Variants in RPS6KC1 observed in about 807,000 individuals in gnomAD.
RPS6KC1 encodes inactive ribosomal protein S6 kinase delta-1.
In RPS6KC1, 54 loss-of-function variants were observed where a neutral mutation model predicts 103.8. That is an observed-to-expected ratio of 0.52 (90% confidence interval 0.42 to 0.65). The LOEUF (loss-of-function observed/expected upper bound fraction) is 0.65, where lower values mean the gene tolerates loss of function less well. Among genes scored for constraint, RPS6KC1 ranks in the 30% least tolerant of loss-of-function variants. RPS6KC1 has a pLI of 0.00. For missense variants in RPS6KC1, 1,151 were observed against 1,253.8 expected, an observed-to-expected ratio of 0.92 and a Z score of 1.24; for synonymous variants, 439 against 438.7, an observed-to-expected ratio of 1.00 and a Z score of -0.01.
chr1:213,815,831 G>C, the RPS6KC1 span, among the ~76,000 whole-genome samples: 1 of 151,562 alleles, frequency 6.6e-6, no homozygotes, highest in Non-Finnish European at 1.5e-5. Flanking sequence ...ACTGGTGCAA[G>C]AGGCCTAGCT....
chr1:213,602,466 G>T, the RPS6KC1 span, among the ~76,000 whole-genome samples: 30 of 151,620 alleles, frequency 2.0e-4, no homozygotes, highest in African/African-American at 5.8e-4. Context: ...CTTCTGAGCT[G>T]AGGCGTTCTG....
the RPS6KC1 span, among the ~76,000 whole-genome samples, chr1:213,348,526 A>T: frequency 6.6e-6 from 1 of 152,166 alleles, no homozygotes; most frequent in African/African-American, 2.4e-5. Context: ...TGACACCAAC[A>T]CCAAGGAGGG....
At chr1:213,751,082 G>A in the RPS6KC1 span, among the ~76,000 whole-genome samples, 1 of 152,084 alleles carries the variant, frequency 6.6e-6, no homozygotes, top group Non-Finnish European at 1.5e-5. Context: ...TGAAGGTCTT[G>A]GGCAAAGTCA....
At chr1:213,611,271 T>C in the RPS6KC1 span, among the ~76,000 whole-genome samples, 38 of 152,302 alleles carry the variant, frequency 2.5e-4, no homozygotes, top group African/African-American at 8.7e-4. Context: ...ATAACCCATC[T>C]GCTTGGAAAT....
intron 6 of RPS6KC1, among the ~76,000 whole-genome samples, chr1:213,151,180 C>A (rs2088778112): frequency 7.1e-6 from 1 of 140,802 alleles, no homozygotes; most frequent in Admixed American, 6.9e-5. Context: ...CTGACCCCCC[C>A]ACCTCCCTCC....
At chr1:213,750,249 A>G in the RPS6KC1 span, among the ~76,000 whole-genome samples, 1 of 152,220 alleles carries the variant, frequency 6.6e-6, no homozygotes, top group South Asian at 2.1e-4. Context: ...CCTGAAGGGC[A>G]ATGCTTTAAA....
chr1:213,282,140 T>C, the RPS6KC1 span, among the ~76,000 whole-genome samples: 16 of 152,350 alleles, frequency 1.1e-4, no homozygotes, highest in African/African-American at 3.8e-4. Context: ...CGGCCTGTCA[T>C]GTGGCTGAGC....
the RPS6KC1 span, among the ~76,000 whole-genome samples, chr1:213,546,722 T>G: frequency 1.3e-5 from 2 of 152,162 alleles, no homozygotes; most frequent in East Asian, 3.8e-4. Context: ...ATTGAACAGA[T>G]AGTATAGAGA....
the RPS6KC1 span, among the ~76,000 whole-genome samples, chr1:213,613,084 A>G: frequency 3.9e-5 from 6 of 152,056 alleles, no homozygotes; most frequent in Non-Finnish European, 8.8e-5. Context: ...CCTCTCCCCA[A>G]CCATCCAAGA....
At chr1:213,442,384 C>T in the RPS6KC1 span, among the ~76,000 whole-genome samples, 2 of 152,326 alleles carry the variant, frequency 1.3e-5, no homozygotes, top group Admixed American at 6.5e-5. Context: ...GAAAGAATCA[C>T]TGAACCATGA....
intron 6 of RPS6KC1, among the ~76,000 whole-genome samples, chr1:213,152,210 G>T (rs1342081523): frequency 6.9e-6 from 1 of 145,224 alleles, no homozygotes; most frequent in Non-Finnish European, 1.5e-5. Flanking sequence ...CCTGGACGGG[G>T]CGGCTGGCCG....
chr1:213,419,156 A>G, the RPS6KC1 span, among the ~76,000 whole-genome samples: 4 of 152,204 alleles, frequency 2.6e-5, no homozygotes, highest in African/African-American at 7.2e-5. Flanking sequence ...AAACCTCTCA[A>G]TGTGTCTTCT....
chr1:213,730,592 C>G, the RPS6KC1 span, among the ~76,000 whole-genome samples: 2 of 152,124 alleles, frequency 1.3e-5, no homozygotes, highest in African/African-American at 4.8e-5. Flanking sequence ...TGTTCATGTC[C>G]TTTGCCCACT....
chr1:213,702,859 G>A, the RPS6KC1 span, among the ~76,000 whole-genome samples: 2 of 144,998 alleles, frequency 1.4e-5, no homozygotes, highest in African/African-American at 5.2e-5. Context: ...TTTTTTGTTT[G>A]TTTGTTTTTG....
At chr1:213,526,427 G>A in the RPS6KC1 span, among the ~76,000 whole-genome samples, 5 of 152,172 alleles carry the variant, frequency 3.3e-5, no homozygotes, top group Non-Finnish European at 5.9e-5. Flanking sequence ...CAGTTAGCAT[G>A]GCTGATGTTT....
intron 12 of RPS6KC1, among the ~76,000 whole-genome samples, chr1:213,245,404 G>C (rs918196420): frequency 3.3e-5 from 5 of 152,014 alleles, no homozygotes; most frequent in African/African-American, 9.7e-5. Context: ...TCTAACCTTA[G>C]TATTATTGTC....
chr1:213,583,716 G>A, the RPS6KC1 span, among the ~76,000 whole-genome samples: 2 of 150,830 alleles, frequency 1.3e-5, no homozygotes, highest in African/African-American at 4.9e-5. Context: ...AGCTATTCAG[G>A]AGGCTGAGGG....
At chr1:213,364,686 G>A in the RPS6KC1 span, among the ~76,000 whole-genome samples, 1 of 152,128 alleles carries the variant, frequency 6.6e-6, no homozygotes, top group Non-Finnish European at 1.5e-5. Flanking sequence ...AGGTGCAGTG[G>A]CTCACACCTG....
chr1:213,187,784 A>T (rs937900591), intron 8 of RPS6KC1, among the ~76,000 whole-genome samples: 1 of 150,932 alleles, frequency 6.6e-6, no homozygotes, highest in Non-Finnish European at 1.5e-5. Context: ...AAGGATAGTT[A>T]TTAATAGATA....
Sources: gnomAD v4.1 joint callset for allele counts (sites outside exome capture counted in the v4.1 genomes callset) on GRCh38, gnomAD v4.1.1 for gene constraint, MANE v1.5 for transcripts, NCBI Gene and HGNC (gene_info 2026-07-23, HGNC 2026-07-21) for gene names.